Variants in INSIG2 observed in about 807,000 individuals in gnomAD.
INSIG2 encodes the protein insulin induced gene 2.
Under a neutral mutation model 27.2 loss-of-function variants are expected in INSIG2, and 10 were observed. The observed-to-expected ratio is 0.37, with a 90% CI of 0.23 to 0.62. INSIG2 has a LOEUF of 0.62. Ranked by LOEUF, INSIG2 falls within the 20% of genes least tolerant of loss-of-function variation. The pLI is 0.65. For synonymous variants in INSIG2, 97 were observed against 95.8 expected (o/e 1.01, Z -0.07); for missense variants, 178 against 270.2 (o/e 0.66, Z 2.39).
chr2:118,096,331 C>A, intron 1 of INSIG2, 88 bp from the exon 2 acceptor site: 1 of 400,866 alleles, frequency 2.5e-6, no homozygotes, highest in South Asian at 5.7e-5. Flanking sequence ...CTTATTTGTC[C>A]ATTTAAATTA....
chr2:118,097,037 G>A (rs13395474), intron 2 of INSIG2, among the ~76,000 whole-genome samples: 245 of 152,144 alleles, frequency 1.6e-3, no homozygotes, highest in South Asian at 5.2e-3. Flanking sequence ...AGAGTCTCTC[G>A]TGTCCTCTTG....
chr2:118,105,740 G>A (rs1436135946), intron 3 of INSIG2, among the ~76,000 whole-genome samples: 2 of 152,100 alleles, frequency 1.3e-5, no homozygotes, highest in Non-Finnish European at 2.9e-5. Flanking sequence ...GTGGGAAATG[G>A]CTTCGTTGCA....
At chr2:118,103,926 G>C (rs527625330) in intron 3 of INSIG2, among the ~76,000 whole-genome samples, 8 of 152,132 alleles carry the variant, frequency 5.3e-5, no homozygotes, top group Admixed American at 5.2e-4. Context: ...TATTTTTACA[G>C]TGTCTCAGGT....
intron 1 of INSIG2, among the ~76,000 whole-genome samples, chr2:118,094,474 G>A (rs969505241): frequency 6.6e-6 from 1 of 152,202 alleles, no homozygotes; most frequent in African/African-American, 2.4e-5. Context: ...GCAAGGAATG[G>A]TCTGCAGGAT....
chr2:118,108,215 T>G (rs1573579140), intron 5 of INSIG2, 66 bp from the exon 6 acceptor site: 2 of 1,039,182 alleles, frequency 1.9e-6, no homozygotes, highest in East Asian at 2.6e-5. Flanking sequence ...CTTTTCAGTT[T>G]ATTTGGAAGT....
chr2:118,103,991 C>A (rs1678613330), intron 3 of INSIG2, among the ~76,000 whole-genome samples: 2 of 152,110 alleles, frequency 1.3e-5, no homozygotes, highest in Non-Finnish European at 2.9e-5. Flanking sequence ...AAATGTTTGC[C>A]CTCATAAGGT....
intron 2 of INSIG2, among the ~76,000 whole-genome samples, chr2:118,098,253 T>C (rs913652433): frequency 7.2e-5 from 11 of 152,136 alleles, no homozygotes; most frequent in Non-Finnish European, 1.5e-4. Flanking sequence ...TGGAAGAGCA[T>C]ACATGTCTTT....
At chr2:118,105,323 G>A (rs113557950) in intron 3 of INSIG2, among the ~76,000 whole-genome samples, 6,504 of 152,272 alleles carry the variant, frequency 0.043, 200 homozygotes, top group African/African-American at 0.083. Flanking sequence ...TTACAGGCAT[G>A]AGCCACCGCA....
intron 2 of INSIG2, 56 bp from the exon 3 acceptor site, chr2:118,103,141 A>G: frequency 6.7e-7 from 1 of 1,495,994 alleles, no homozygotes; most frequent in African/African-American, 1.4e-5. Context: ...CTTTTAGCTT[A>G]AGTGTTGCCA....
intron 2 of INSIG2, among the ~76,000 whole-genome samples, chr2:118,101,899 C>T (rs1402563434): frequency 1.3e-5 from 2 of 152,202 alleles, no homozygotes; most frequent in African/African-American, 4.8e-5. Flanking sequence ...AAAATGCATA[C>T]AGTATTGCAG....
Position 118,092,935 on chromosome 2 carries a change from T to TATG in INSIG2, c.-138-3473_-138-3471dup, listed in dbSNP as rs1284355351. On this transcript the variant is annotated intron_variant, in intron 1 of 5. Transcript: ENST00000245787. Reference sequence around the variant, plus strand: ...TGAACCTTGCTAAAAGCAACCAGATTATGATGATGATGAGGAGGAGGAGGA... The same window carrying TATG: ...TGAACCTTGCTAAAAGCAACCAGATTATGATGATGATGATGAGGAGGAGGAGGA... Among the ~76,000 whole-genome samples the TATG allele has an allele frequency of 3.1e-3, 312 of 99,392 alleles. 5 individuals carry two copies. The highest frequency in any genetic ancestry group is 8.5e-3 in the Middle Eastern group (1 of 118). The allele number at this position is 99,392 out of a possible 152,430, so 65.2% of individuals were successfully genotyped here. A position where few individuals can be genotyped will look rare whatever the true frequency, so the allele number is the denominator to read the frequency against.
rs1678759081 is a variant in INSIG2, at chr2:118,109,422, T to G, written c.*1100T>G. 1 of 152,178 alleles carries G rather than the reference T, an allele frequency of 6.6e-6. No homozygotes were observed. The highest frequency in any genetic ancestry group is 6.5e-5 in the Admixed American group (1 of 15,278). 9.4% of individuals were successfully genotyped at this position (152,178 alleles called of 1,614,324 possible). ...TGTATCCATTAGTGAATAGTTCAAG[T>G]CTGTTTAAGAGTGTATTGAGATGGC... On this transcript the variant is annotated 3_prime_UTR_variant, in exon 6 of 6. Transcript: ENST00000245787.
At chr2:118,106,648 C>T (rs1354868669) in intron 3 of INSIG2, 89 bp from the exon 4 acceptor site, 78 of 1,019,208 alleles carry the variant, frequency 7.7e-5, no homozygotes, top group Non-Finnish European at 1.1e-4. Flanking sequence ...TAATTCCCTT[C>T]TCAACAGAGG....
rs541873654 is a variant in INSIG2, at chr2:118,109,709, A to G, written c.*1387A>G. 21 of 151,940 alleles carry G rather than the reference A, an allele frequency of 1.4e-4. No homozygotes were observed. Among genetic ancestry groups the G allele is most frequent in the African/African-American group, 5.1e-4 (21 of 41,238 alleles). 9.4% of individuals were successfully genotyped at this position (151,940 alleles called of 1,614,324 possible). A position where few individuals can be genotyped will look rare whatever the true frequency, so the allele number is the denominator to read the frequency against. ...TTTTTACACTTTGAGTTTTAAAGCA[A>G]TTACTATCAGACTGAGATCTTGTAT... is the stretch of plus-strand genomic sequence containing the variant. On this transcript the variant is annotated 3_prime_UTR_variant, in exon 6 of 6. Coordinates refer to ENST00000245787, the MANE Select transcript of INSIG2 (RefSeq NM_016133.4).
At chr2:118,096,315 C>A in intron 1 of INSIG2, 104 bp from the exon 2 acceptor site, 1 of 384,710 alleles carries the variant, frequency 2.6e-6, no homozygotes, top group Non-Finnish European at 4.6e-6. Context: ...ACAAGCTTGT[C>A]ATTTTCTTAT....
At chr2:118,106,143 A>G (rs1323056486) in intron 3 of INSIG2, among the ~76,000 whole-genome samples, 1 of 152,216 alleles carries the variant, frequency 6.6e-6, no homozygotes, top group African/African-American at 2.4e-5. Context: ...AACAAATTAA[A>G]ACTAGAACAG....
chr2:118,108,495 C>T lies in INSIG2; in HGVS notation c.*173C>T. On this transcript the variant is annotated 3_prime_UTR_variant, in exon 6 of 6. Coordinates refer to ENST00000245787, the MANE Select transcript of INSIG2 (RefSeq NM_016133.4). Reference sequence around the variant, plus strand: ...ATACACACACACATATTACTGCAATCTGTGATTGCTTCATCTGTAAATCAG... The same window carrying T: ...ATACACACACACATATTACTGCAATTTGTGATTGCTTCATCTGTAAATCAG... 2.1e-6 allele frequency: 1 copy of T among 482,844 alleles called. No homozygotes were observed. Among genetic ancestry groups the T allele is most frequent in the Non-Finnish European group, 3.7e-6 (1 of 268,542 alleles). The allele number at this position is 482,844 out of a possible 1,614,324, so 29.9% of individuals were successfully genotyped here.
chr2:118,095,279 T>A (rs1298871366), intron 1 of INSIG2, among the ~76,000 whole-genome samples: 1 of 152,198 alleles, frequency 6.6e-6, no homozygotes, highest in East Asian at 1.9e-4. Flanking sequence ...ATTTAAAAAC[T>A]GTTAGTATTC....
chr2:118,096,495 C>T lies in INSIG2; in HGVS notation c.-62C>T. 6.5e-7 allele frequency: 1 copy of T among 1,527,558 alleles called. No individual in the cohort carries two copies. The highest frequency in any genetic ancestry group is 1.3e-5 in the South Asian group (1 of 77,318). The allele number at this position is 1,527,558 out of a possible 1,614,324, so 94.6% of individuals were successfully genotyped here. ...AGTCTTTGATTCACAGACAGTTGAG[C>T]TTTTCAGCTGGGAAGCCTTTCCATT... On this transcript the variant is annotated 5_prime_UTR_variant, in exon 2 of 6. Coordinates refer to ENST00000245787, the MANE Select transcript of INSIG2 (RefSeq NM_016133.4).
Sources: allele counts gnomAD v4.1 joint callset (sites outside exome capture counted in the v4.1 genomes callset), GRCh38; gene constraint gnomAD v4.1.1; transcripts MANE v1.5; gene names NCBI Gene and HGNC (gene_info 2026-07-23, HGNC 2026-07-21).